Variants in CENPS observed in about 807,000 individuals in gnomAD.
CENPS encodes FANCM associated histone fold protein 1.
In CENPS, 16 loss-of-function variants were observed where a neutral mutation model predicts 17.9. That is an observed-to-expected ratio of 0.90 (90% CI 0.61 to 1.36). The LOEUF is 1.36. CENPS is among the 40% of genes most tolerant of loss of function. CENPS has a pLI of 0.00. For synonymous variants in CENPS, 49 were observed against 55.8 expected (o/e 0.88, Z 0.54); for missense variants, 160 against 158.6 (o/e 1.01, Z -0.05).
chr1:10,433,838 CCAGAGGCTAAAGG>C lies in CENPS; in HGVS notation c.52_64del (p.Arg18GlnfsTer32). 6.2e-7 allele frequency: 1 copy of C among 1,613,860 alleles called. No homozygotes were observed. Among genetic ancestry groups the C allele is most frequent in the Non-Finnish European group, 8.5e-7 (1 of 1,179,906 alleles). On this transcript the variant is annotated splice_acceptor_variant and splice_polypyrimidine_tract_variant and coding_sequence_variant and intron_variant, in exon 2 of 5. Transcript: ENST00000309048. LOFTEE classifies it high-confidence loss of function. ...CCGTGAAATATTTTGATGTTTTTCC[CCAGAGGCTAAAGG>C]CAGCAGTTCACTATACTGTGGGTTG...
At chr1:10,440,966 T>C (rs769871125) in intron 4 of CENPS, among the ~76,000 whole-genome samples, 2 of 152,296 alleles carry the variant, frequency 1.3e-5, no homozygotes, top group Admixed American at 1.3e-4. Flanking sequence ...ATGCTAGACA[T>C]TAAAGCACGT....
chr1:10,436,711 A>AAAAG (rs1640177790), intron 3 of CENPS, among the ~76,000 whole-genome samples: 1 of 118,834 alleles, frequency 8.4e-6, no homozygotes, highest in Non-Finnish European at 1.8e-5. Flanking sequence ...GTCTCTTTAA[A>AAAAG]AAAAAAAAAA....
rs1237703452 is a variant in CENPS at position 10,433,947 on chromosome 1, C to T, written c.157C>T (p.Leu53=). 6.2e-7 allele frequency: 1 copy of T among 1,614,092 alleles called. No individual in the cohort carries two copies. The highest frequency in any genetic ancestry group is 1.3e-5 in the African/African-American group (1 of 74,944). ...SKQTIAAISE[L]TFRQCENFAK... ...ACAGACCATTGCGGCCATTTCGGAGCTGACTTTCCGACAGTGTGGTATGAA... is the reference window on the plus strand; with the variant it reads ...ACAGACCATTGCGGCCATTTCGGAGTTGACTTTCCGACAGTGTGGTATGAA... The change falls in exon 2 of 5, where the codon CTG becomes TTG. Residue 53 remains leucine, a synonymous_variant. Transcript: ENST00000309048.
intron 3 of CENPS, among the ~76,000 whole-genome samples, chr1:10,439,585 C>A (rs770654773): frequency 4.7e-4 from 71 of 151,884 alleles, no homozygotes; most frequent in Non-Finnish European, 8.5e-4. Flanking sequence ...ACTAAAAATA[C>A]AAAAAAATTA....
At chr1:10,435,179 G>T (rs1388507059) in intron 3 of CENPS, among the ~76,000 whole-genome samples, 1 of 152,168 alleles carries the variant, frequency 6.6e-6, no homozygotes, top group Non-Finnish European at 1.5e-5. Flanking sequence ...TTGGAAAGTG[G>T]GTGACTTGCT....
At chr1:10,435,623 C>T (rs76745872) in intron 3 of CENPS, among the ~76,000 whole-genome samples, 4,765 of 151,078 alleles carry the variant, frequency 0.032, 170 homozygotes, top group Admixed American at 0.074. Context: ...CCCTCCTCCC[C>T]GGTGAAAGAT....
Position 10,442,506 on chromosome 1 carries a change from AAAAAT to A in CENPS, c.*111_*115del, listed in dbSNP as rs1422044382. On this transcript the variant is annotated 3_prime_UTR_variant, in exon 5 of 5. Coordinates refer to ENST00000309048, the MANE Select transcript of CENPS (RefSeq NM_199294.3). Reference sequence around the variant, plus strand: ...TTTGAAGGGTTAAATAGAGATTTAAAAAAATAAAATAAAAAGGCTGGGCTAGGGTG... The same window carrying A: ...TTTGAAGGGTTAAATAGAGATTTAAAAAAATAAAAAGGCTGGGCTAGGGTG... The A allele has an allele frequency of 5.7e-5, 78 of 1,367,418 alleles. No homozygotes were observed. In the African/African-American group the frequency reaches 5.7e-4, roughly 10 times the overall value. 84.7% of individuals were successfully genotyped at this position (1,367,418 alleles called of 1,614,324 possible).
At chr1:10,431,426 A>G in intron 1 of CENPS, 1 of 1,534,586 alleles carries the variant, frequency 6.5e-7, no homozygotes, top group Non-Finnish European at 8.7e-7. Context: ...GATGCCCGTC[A>G]CCTTGATTCA....
rs561279434 is a variant in CENPS, at chr1:10,431,872, G to A, written c.51+1304G>A. ...CCATCTCAGAAAAAAAAAAAAAAAAGGCATTCTCCTACTACATCATTTCAA... is the reference window on the plus strand; with the variant it reads ...CCATCTCAGAAAAAAAAAAAAAAAAAGCATTCTCCTACTACATCATTTCAA... On this transcript the variant is annotated intron_variant, in intron 1 of 4. Transcript: ENST00000309048. 5.1e-3 allele frequency among the ~76,000 whole-genome samples: 616 copies of A among 120,738 alleles called. 7 individuals carry two copies. The highest frequency in any genetic ancestry group is 0.019 in the African/African-American group (579 of 29,698). The allele number at this position is 120,738 out of a possible 152,430, so 79.2% of individuals were successfully genotyped here.
chr1:10,440,130 G>A lies in CENPS; in HGVS notation c.210-217G>A, dbSNP rs540757515. On this transcript the variant is annotated intron_variant, in intron 3 of 4. Coordinates refer to ENST00000309048, the MANE Select transcript of CENPS (RefSeq NM_199294.3). ...GGTACCCTTGGCCCTAAGCGGAGGT[G>A]GAGAGATGGGCCTCCGCATTCTCCA... is the stretch of plus-strand genomic sequence containing the variant. 89 of 597,666 alleles carry A rather than the reference G, an allele frequency of 1.5e-4. 1 individual carries two copies. The South Asian group carries it at 1.9e-3, about 13-fold the overall frequency. The allele number at this position is 597,666 out of a possible 1,614,324, so 37.0% of individuals were successfully genotyped here.
In CENPS at chr1:10,442,619, G is replaced by A. The variant is rs965878632; in HGVS notation, c.*214G>A. 3 of 705,052 alleles carry A rather than the reference G, an allele frequency of 4.3e-6. No individual in the cohort carries two copies. The African/African-American group carries it at 5.6e-5, about 13-fold the overall frequency. The allele number at this position is 705,052 out of a possible 1,614,324, so 43.7% of individuals were successfully genotyped here. A position where few individuals can be genotyped will look rare whatever the true frequency, so the allele number is the denominator to read the frequency against. On this transcript the variant is annotated 3_prime_UTR_variant, in exon 5 of 5. Transcript: ENST00000309048. Reference sequence around the variant, plus strand: ...AAAGTCTTAAGCAAAATACTCCCAGGTCTCACTCCAGAACATAAAAATGGT... The same window carrying A: ...AAAGTCTTAAGCAAAATACTCCCAGATCTCACTCCAGAACATAAAAATGGT...
chr1:10,440,547 C>A, intron 4 of CENPS, 134 bp downstream of exon 4: 1 of 1,188,406 alleles, frequency 8.4e-7, no homozygotes, highest in South Asian at 1.7e-5. Flanking sequence ...CCATTCAGAC[C>A]TGCCTGTAAT....
intron 4 of CENPS, among the ~76,000 whole-genome samples, chr1:10,441,836 A>G (rs1386318863): frequency 6.7e-6 from 1 of 150,308 alleles, no homozygotes; most frequent in African/African-American, 2.5e-5. Context: ...CGTGTTAGCC[A>G]GGATGGTCTC....
chr1:10,440,232 G>A, intron 3 of CENPS, 115 bp from the exon 4 acceptor site: 1 of 1,356,496 alleles, frequency 7.4e-7, no homozygotes, highest in Non-Finnish European at 9.9e-7. Context: ...TATCTAAAAG[G>A]ATGGGCTACT....
intron 3 of CENPS, among the ~76,000 whole-genome samples, chr1:10,439,750 A>C (rs1640329333): frequency 6.6e-6 from 1 of 152,068 alleles, no homozygotes; most frequent in Admixed American, 6.5e-5. Context: ...CAAAAAAAAA[A>C]AGAAGAAAGA....
chr1:10,433,701 A>T, intron 1 of CENPS, 141 bp from the exon 2 acceptor site: 2 of 1,467,002 alleles, frequency 1.4e-6, no homozygotes, highest in Admixed American at 2.2e-5. Context: ...TTATTAGTAC[A>T]CTTGAAAAGC....
At chr1:10,434,569 T>C (rs1052828868) in intron 2 of CENPS, 88 bp from the exon 3 acceptor site, 4 of 1,582,578 alleles carry the variant, frequency 2.5e-6, no homozygotes, top group Admixed American at 1.9e-5. Context: ...GTCACTGTAC[T>C]GGCTGTAGAA....
At chr1:10,433,124 C>T (rs1388634789) in intron 1 of CENPS, among the ~76,000 whole-genome samples, 2 of 152,152 alleles carry the variant, frequency 1.3e-5, no homozygotes, top group African/African-American at 4.8e-5. Flanking sequence ...GCGGAGTACC[C>T]ACAGGTGGGC....
At chr1:10,436,708 TA>T (rs550913401) in intron 3 of CENPS, among the ~76,000 whole-genome samples, 107 of 124,964 alleles carry the variant, frequency 8.6e-4, no homozygotes, top group East Asian at 2.6e-3. Context: ...TCTGTCTCTT[TA>T]AAAAAAAAAA....
Sources: allele counts gnomAD v4.1 joint callset (sites outside exome capture counted in the v4.1 genomes callset), GRCh38; gene constraint gnomAD v4.1.1; transcripts MANE v1.5; gene names NCBI Gene and HGNC (gene_info 2026-07-23, HGNC 2026-07-21).